The following CALN1 variants were observed in gnomAD, a reference collection of about 807,000 sequenced individuals.
CALN1 encodes the protein calneuron 1, also known as calcium-binding protein 8.
CALN1 carries 17 observed loss-of-function variants against 30.6 expected under a neutral mutation model. The ratio of observed to expected loss-of-function variants is 0.56; its 90% CI spans 0.38 to 0.83. The LOEUF is 0.83. CALN1 is among the 40% of genes least tolerant of loss of function. The probability of loss-of-function intolerance (pLI) is 0.00; values close to 1 mark genes in which losing one functional copy is unlikely to be tolerated. For missense variants in CALN1, 291 were observed against 354.9 expected (o/e 0.82, Z 1.45); for synonymous variants, 156 against 131.4 (o/e 1.19, Z -1.28).
intron 3 of CALN1, among the ~76,000 whole-genome samples, chr7:72,139,561 C>G (rs1005434090): frequency 6.6e-6 from 1 of 151,812 alleles, no homozygotes; most frequent in Non-Finnish European, 1.5e-5. Flanking sequence ...CATGCCCACC[C>G]TCCTCTACCC....
intron 1 of CALN1, among the ~76,000 whole-genome samples, chr7:72,433,334 A>G (rs1316275294): frequency 6.6e-6 from 1 of 152,160 alleles, no homozygotes; most frequent in Non-Finnish European, 1.5e-5. Flanking sequence ...AACTCTTAGC[A>G]TGCATCAGCT....
At chr7:72,475,449 A>C in the CALN1 span, among the ~76,000 whole-genome samples, 1 of 151,978 alleles carries the variant, frequency 6.6e-6, no homozygotes, top group Non-Finnish European at 1.5e-5. Flanking sequence ...ACAGAGTGAG[A>C]CTCTGTCTCA....
intron 1 of CALN1, among the ~76,000 whole-genome samples, chr7:72,410,148 C>T (rs1807020769): frequency 6.6e-6 from 1 of 152,168 alleles, no homozygotes; most frequent in African/African-American, 2.4e-5. Flanking sequence ...AGAGTGTGAG[C>T]TCCAGCCTGC....
chr7:71,992,559 T>C (rs892730022), intron 5 of CALN1, among the ~76,000 whole-genome samples: 1 of 152,158 alleles, frequency 6.6e-6, no homozygotes, highest in Non-Finnish European at 1.5e-5. Context: ...GGTCTTCCTA[T>C]GTTGCCCAGG....
At chr7:71,971,704 C>A (rs1185281858) in intron 5 of CALN1, among the ~76,000 whole-genome samples, 1 of 151,426 alleles carries the variant, frequency 6.6e-6, no homozygotes, top group Non-Finnish European at 1.5e-5. Flanking sequence ...TTGAGAACAG[C>A]CCGGGCAACA....
chr7:72,322,051 T>C (rs952882508), intron 2 of CALN1, among the ~76,000 whole-genome samples: 2 of 152,206 alleles, frequency 1.3e-5, no homozygotes, highest in African/African-American at 2.4e-5. Flanking sequence ...CCATTTATCG[T>C]GCACTTTATT....
chr7:72,430,371 T>C (rs901092244), intron 1 of CALN1, among the ~76,000 whole-genome samples: 1 of 150,948 alleles, frequency 6.6e-6, no homozygotes, highest in Non-Finnish European at 1.5e-5. Context: ...AGGTATTTAA[T>C]TTGTGGTCAA....
At chr7:72,172,314 G>A (rs1384170825) in intron 3 of CALN1, among the ~76,000 whole-genome samples, 5 of 152,204 alleles carry the variant, frequency 3.3e-5, no homozygotes, top group Admixed American at 6.5e-5. Flanking sequence ...ACCAGGGAGT[G>A]CTTTGATACC....
chr7:72,358,940 G>T (rs1803399857), intron 2 of CALN1, among the ~76,000 whole-genome samples: 1 of 148,114 alleles, frequency 6.8e-6, no homozygotes, highest in Non-Finnish European at 1.5e-5. Context: ...CTCCAGCCTG[G>T]CTGACAAGGT....
chr7:72,497,336 A>G, the CALN1 span, among the ~76,000 whole-genome samples: 1 of 152,190 alleles, frequency 6.6e-6, no homozygotes, highest in Non-Finnish European at 1.5e-5. Context: ...GCTACTCAGG[A>G]GTCTGAGGCA....
At chr7:72,248,961 TAAAAG>T (rs955128687) in intron 3 of CALN1, among the ~76,000 whole-genome samples, 1 of 152,068 alleles carries the variant, frequency 6.6e-6, no homozygotes, top group African/African-American at 2.4e-5. Flanking sequence ...GAGAAAGGCT[TAAAAG>T]AAGTATTTTT....
At chr7:72,107,326 T>G (rs2129541355) in intron 3 of CALN1, among the ~76,000 whole-genome samples, 1 of 152,348 alleles carries the variant, frequency 6.6e-6, no homozygotes, top group South Asian at 2.1e-4. Context: ...AAGAGTTAAG[T>G]ATCCGGCTGT....
At chr7:72,449,540 C>T (rs1808613939), upstream of CALN1, among the ~76,000 whole-genome samples, 1 of 152,266 alleles carries the variant, frequency 6.6e-6, no homozygotes, top group South Asian at 2.1e-4. Context: ...ATACCCACAG[C>T]CCTCACCCCC....
At chr7:72,041,710 C>G (rs1200810898) in intron 4 of CALN1, among the ~76,000 whole-genome samples, 2 of 152,068 alleles carry the variant, frequency 1.3e-5, no homozygotes, top group African/African-American at 2.4e-5. Flanking sequence ...TTGTAGCTCC[C>G]GTAATTCCCA....
intron 4 of CALN1, among the ~76,000 whole-genome samples, chr7:72,080,154 A>T (rs1227971845): frequency 6.6e-6 from 1 of 152,278 alleles, no homozygotes; most frequent in South Asian, 2.1e-4. Flanking sequence ...AACATGTCCT[A>T]TGAAATGCCA....
chr7:72,130,772 T>TTAC (rs1260592929), intron 3 of CALN1, among the ~76,000 whole-genome samples: 1 of 152,302 alleles, frequency 6.6e-6, no homozygotes, highest in African/African-American at 2.4e-5. Context: ...AATTTGTGAT[T>TTAC]GTAAAAGTAC....
chr7:72,025,682 C>T (rs1008141854), intron 4 of CALN1, among the ~76,000 whole-genome samples: 6 of 152,164 alleles, frequency 3.9e-5, no homozygotes, highest in Admixed American at 3.9e-4. Flanking sequence ...AAAAGGGCAA[C>T]TCCATCAAAA....
intron 5 of CALN1, among the ~76,000 whole-genome samples, chr7:71,823,743 T>C (rs923209051): frequency 2.0e-5 from 3 of 149,716 alleles, no homozygotes; most frequent in African/African-American, 7.4e-5. Flanking sequence ...AAAAAATTAA[T>C]AAAAAGAAAA....
At chr7:72,338,836 A>G (rs1802249840) in intron 2 of CALN1, among the ~76,000 whole-genome samples, 1 of 151,992 alleles carries the variant, frequency 6.6e-6, no homozygotes, top group Non-Finnish European at 1.5e-5. Context: ...GTTATTGTAA[A>G]ATATGAGTTA....
Sources: gnomAD v4.1 joint callset for allele counts (sites outside exome capture counted in the v4.1 genomes callset) on GRCh38, gnomAD v4.1.1 for gene constraint, MANE v1.5 for transcripts, NCBI Gene and HGNC (gene_info 2026-07-23, HGNC 2026-07-21) for gene names.